BAG2: variants seen among roughly 807,000 people sequenced by gnomAD.
BAG2 encodes BAG cochaperone 2, also known as BAG family molecular chaperone regulator 2.
In BAG2, 8 loss-of-function variants were observed where a neutral mutation model predicts 16.4. The ratio of observed to expected loss-of-function variants is 0.49; its 90% CI spans 0.29 to 0.88. The LOEUF is 0.88. Among genes scored for constraint, BAG2 ranks in the 40% least tolerant of loss-of-function variants. The pLI, the probability that BAG2 is intolerant of heterozygous loss-of-function variation, is 0.09. For synonymous variants in BAG2, 82 were observed against 89.2 expected (o/e 0.92, Z 0.46); for missense variants, 218 against 248.9 (o/e 0.88, Z 0.84).
chr6:57,172,846 C>A (rs1266247562), intron 1 of BAG2, 36 bp downstream of exon 1: 1 of 1,425,272 alleles, frequency 7.0e-7, no homozygotes, highest in South Asian at 1.4e-5. Flanking sequence ...GCGTTCTGCT[C>A]GCCGCGCGGG....
chr6:57,186,594 G>GGATTACAGC lies in BAG2; in HGVS notation c.*2404_*2405insGATTACAGC, dbSNP rs1317809659. On this transcript the variant is annotated 3_prime_UTR_variant, in exon 3 of 3. Coordinates refer to ENST00000370693, the MANE Select transcript of BAG2 (RefSeq NM_004282.4). The stretch of plus-strand genomic sequence containing the variant: ...GCCTCCCAAAGTACAGGGATTACAG[G>GGATTACAGC]CATGAGCCACCACGCTTGGCCAATG... 2 of 152,220 alleles carry GGATTACAGC rather than the reference G, an allele frequency of 1.3e-5. No homozygotes were observed. The highest frequency in any genetic ancestry group is 2.9e-5 in the Non-Finnish European group (2 of 68,060). 9.4% of individuals were successfully genotyped at this position (152,220 alleles called of 1,614,324 possible). A position where few individuals can be genotyped will look rare whatever the true frequency, so the allele number is the denominator to read the frequency against.
At chr6:57,173,399 GT>G in intron 1 of BAG2, 3 of 985,356 alleles carry the variant, frequency 3.0e-6, no homozygotes, top group Non-Finnish European at 3.6e-6. Flanking sequence ...CAGCAGAGAC[GT>G]TGCCGCTTCT....
At position 57,183,881 on chromosome 6, in the gene BAG2, C is replaced by T; in HGVS notation, c.327C>T (p.Ser109=). The change falls in exon 3 of 3, where the codon TCC becomes TCT. Residue 109 remains serine (S), a synonymous_variant. Transcript: ENST00000370693. ...TTAGAAACCCCCAGCAGCAAGAATC[C>T]CTAAAGCATGCCACAAGGATTATTG... ...ETIRNPQQQE[S]LKHATRIIDE... 6.2e-7 allele frequency: 1 copy of T among 1,614,040 alleles called. No homozygotes were observed. Among genetic ancestry groups the T allele is most frequent in the South Asian group, 1.1e-5 (1 of 91,064 alleles).
rs745815053 is a variant in BAG2 at position 57,187,580 on chromosome 6, T to C, written c.*3390T>C. 6.6e-6 allele frequency: 1 copy of C among 152,104 alleles called. No individual in the cohort carries two copies. Among genetic ancestry groups the C allele is most frequent in the Non-Finnish European group, 1.5e-5 (1 of 68,032 alleles). 9.4% of individuals were successfully genotyped at this position (152,104 alleles called of 1,614,324 possible). A position where few individuals can be genotyped will look rare whatever the true frequency, so the allele number is the denominator to read the frequency against. On this transcript the variant is annotated 3_prime_UTR_variant, in exon 3 of 3. Transcript: ENST00000370693. Reference sequence around the variant, plus strand: ...TGGGAACATTTTATCAGGTTAGCAGTAACTATTTCAAAGGTTTTGAAAAGT... The same window carrying C: ...TGGGAACATTTTATCAGGTTAGCAGCAACTATTTCAAAGGTTTTGAAAAGT...
chr6:57,176,376 A>C (rs1040674762), intron 1 of BAG2, among the ~76,000 whole-genome samples: 5 of 152,220 alleles, frequency 3.3e-5, no homozygotes, highest in African/African-American at 1.2e-4. Flanking sequence ...CAAAATATAG[A>C]AATGATATAT....
intron 1 of BAG2, 177 bp downstream of exon 1, chr6:57,172,987 C>G: frequency 1.4e-6 from 1 of 691,404 alleles, no homozygotes; most frequent in Non-Finnish European, 2.1e-6. Context: ...TTGTTTGTTT[C>G]TTGGATTATC....
chr6:57,181,974 A>C, intron 1 of BAG2, 58 bp from the exon 2 acceptor site: 1 of 1,447,372 alleles, frequency 6.9e-7, no homozygotes, highest in South Asian at 1.3e-5. Flanking sequence ...AGATAAAGAA[A>C]ATTAATAGGA....
chr6:57,182,685 T>C (rs1170298121), intron 2 of BAG2, among the ~76,000 whole-genome samples: 1 of 152,140 alleles, frequency 6.6e-6, no homozygotes, highest in African/African-American at 2.4e-5. Flanking sequence ...GGAGTTTTAC[T>C]CGTCACCCAG....
At chr6:57,182,336 C>T (rs1185094905) in intron 2 of BAG2, among the ~76,000 whole-genome samples, 195 bp downstream of exon 2, 1 of 151,974 alleles carries the variant, frequency 6.6e-6, no homozygotes, top group East Asian at 1.9e-4. Context: ...CCAGCATGCT[C>T]TCTACCCCAA....
At chr6:57,175,884 G>A (rs1764271399) in intron 1 of BAG2, among the ~76,000 whole-genome samples, 1 of 152,184 alleles carries the variant, frequency 6.6e-6, no homozygotes, top group Non-Finnish European at 1.5e-5. Context: ...ACCCAAAGAG[G>A]GGGACATGGG....
rs1446803696 is a variant in BAG2, at chr6:57,187,688, T to TAAGG, written c.*3499_*3502dup. 1 of 152,182 alleles carries TAAGG rather than the reference T, an allele frequency of 6.6e-6. No homozygotes were observed. The highest frequency in any genetic ancestry group is 6.5e-5 in the Admixed American group (1 of 15,272). 9.4% of individuals were successfully genotyped at this position (152,182 alleles called of 1,614,324 possible). A position where few individuals can be genotyped will look rare whatever the true frequency, so the allele number is the denominator to read the frequency against. ...AGGTCCTAAGGCCAACTCCCTATTC[T>TAAGG]AAGGTCTTCAGAAAAGGTCCAGTTT... On this transcript the variant is annotated 3_prime_UTR_variant, in exon 3 of 3. Coordinates refer to ENST00000370693, the MANE Select transcript of BAG2 (RefSeq NM_004282.4).
rs1012452176 is a variant in BAG2, at chr6:57,187,470, G to T, written c.*3280G>T. The stretch of plus-strand genomic sequence containing the variant: ...AACAGTTAAAAACTGAGTAAGTCCT[G>T]TTCATTAGGTAGGTGCCATGTGGAA... On this transcript the variant is annotated 3_prime_UTR_variant, in exon 3 of 3. Transcript: ENST00000370693. The T allele has an allele frequency of 6.6e-6, 1 of 152,140 alleles. No homozygotes were observed. The highest frequency in any genetic ancestry group is 2.4e-5 in the African/African-American group (1 of 41,440). The allele number at this position is 152,140 out of a possible 1,614,324, so 9.4% of individuals were successfully genotyped here.
intron 1 of BAG2, among the ~76,000 whole-genome samples, chr6:57,176,169 C>CGGACTAT (rs896167044): frequency 6.6e-6 from 1 of 152,134 alleles, no homozygotes; most frequent in Non-Finnish European, 1.5e-5. Flanking sequence ...TTAATGTACA[C>CGGACTAT]GGACTATGTG....
rs185222394 is a variant in BAG2 at position 57,184,442 on chromosome 6, C to G, written c.*252C>G. On this transcript the variant is annotated 3_prime_UTR_variant, in exon 3 of 3. Transcript: ENST00000370693. ...CTAGGATCTAGCATATTTCACTATTCTGTGGATGAATACATAGTTTGTGGG... is the reference window on the plus strand; with the variant it reads ...CTAGGATCTAGCATATTTCACTATTGTGTGGATGAATACATAGTTTGTGGG... 22 of 282,268 alleles carry G rather than the reference C, an allele frequency of 7.8e-5. No homozygotes were observed. The highest frequency in any genetic ancestry group is 1.2e-4 in the Non-Finnish European group (18 of 154,004). 17.5% of individuals were successfully genotyped at this position (282,268 alleles called of 1,614,324 possible).
chr6:57,178,331 A>G (rs1400063906), intron 1 of BAG2, among the ~76,000 whole-genome samples: 1 of 152,236 alleles, frequency 6.6e-6, no homozygotes, highest in Non-Finnish European at 1.5e-5. Context: ...GCAATAGCTG[A>G]CAAACAGTAC....
In BAG2 at chr6:57,172,743, T is replaced by C; in HGVS notation, c.46T>C (p.Cys16Arg). The C allele has an allele frequency of 6.3e-7, 1 of 1,582,772 alleles. No individual in the cohort carries two copies. The highest frequency in any genetic ancestry group is 8.6e-7 in the Non-Finnish European group (1 of 1,167,382). Residue 16 changes from cysteine (C) to arginine (R), a missense_variant, in exon 1 of 3, where the codon TGC becomes CGC. Cys to Arg is a radical substitution (Grantham distance 180). Around this residue, in one of 3 missense-constraint regions of BAG2, gnomAD observed 75 missense variants for 63.1 expected, o/e 1.19. Coordinates refer to ENST00000370693, the MANE Select transcript of BAG2 (RefSeq NM_004282.4). ...INAKANEGRFCRSSSMADRSS... is the reference protein window; with the variant it reads ...INAKANEGRFRRSSSMADRSS... ...CGCTAAAGCCAACGAGGGGCGCTTC[T>C]GCCGCTCCTCCTCCATGGCTGACCG... is the stretch of plus-strand genomic sequence containing the variant.
chr6:57,172,568 GC>G lies in BAG2; in HGVS notation c.-125del. The stretch of plus-strand genomic sequence containing the variant: ...CGGTGTCGGCGAGTCCTCCCGGGTT[GC>G]CCCCGCGGGCGTCAGAGGGAGGGCG... On this transcript the variant is annotated 5_prime_UTR_variant, in exon 1 of 3. Coordinates refer to ENST00000370693, the MANE Select transcript of BAG2 (RefSeq NM_004282.4). The G allele has an allele frequency of 1.4e-6, 1 of 700,056 alleles. No homozygotes were observed. The highest frequency in any genetic ancestry group is 2.2e-6 in the Non-Finnish European group (1 of 464,300). 43.4% of individuals were successfully genotyped at this position (700,056 alleles called of 1,614,324 possible). A position where few individuals can be genotyped will look rare whatever the true frequency, so the allele number is the denominator to read the frequency against.
rs1481030939 is a variant in BAG2, at chr6:57,187,095, A to C, written c.*2905A>C. 2.0e-5 allele frequency: 3 copies of C among 152,208 alleles called. No homozygotes were observed. Among genetic ancestry groups the C allele is most frequent in the Non-Finnish European group, 1.5e-5 (1 of 68,018 alleles). 9.4% of individuals were successfully genotyped at this position (152,208 alleles called of 1,614,324 possible). A position where few individuals can be genotyped will look rare whatever the true frequency, so the allele number is the denominator to read the frequency against. ...AAGCTCCAGAGTGTAACTGCAACCA[A>C]ATAGCAATACATACAAGTGGTTTTC... is the stretch of plus-strand genomic sequence containing the variant. On this transcript the variant is annotated 3_prime_UTR_variant, in exon 3 of 3. Transcript: ENST00000370693.
chr6:57,175,034 A>G (rs1377042478), intron 1 of BAG2, among the ~76,000 whole-genome samples: 2 of 152,164 alleles, frequency 1.3e-5, no homozygotes, highest in African/African-American at 4.8e-5. Flanking sequence ...CTGTTAAAGG[A>G]TTTCCATTTA....
Sources: allele counts gnomAD v4.1 joint callset (sites outside exome capture counted in the v4.1 genomes callset), GRCh38; gene constraint gnomAD v4.1.1; regional missense constraint gnomAD v4.1.1; transcripts MANE v1.5; gene names NCBI Gene and HGNC (gene_info 2026-07-23, HGNC 2026-07-21).